PRKG1: variants seen among roughly 807,000 people sequenced by gnomAD.
PRKG1 encodes protein kinase cGMP-dependent 1.
A neutral mutation model predicts 88.1 loss-of-function variants in PRKG1; 35 were observed. The ratio of observed to expected loss-of-function variants is 0.40; its 90% CI spans 0.30 to 0.53. The LOEUF is 0.53. PRKG1 is among the 20% of genes least tolerant of loss of function. The probability of loss-of-function intolerance (pLI) is 0.59; values close to 1 mark genes in which losing one functional copy is unlikely to be tolerated. For synonymous variants in PRKG1, 303 were observed against 292.5 expected (o/e 1.04, Z -0.37); for missense variants, 540 against 839.8 (o/e 0.64, Z 4.41).
rs1438477554 is a variant in PRKG1, at chr10:51,278,332, G to C, written c.478+125002G>C. Among the ~76,000 whole-genome samples the C allele has an allele frequency of 2.0e-5, 3 of 152,248 alleles. No individual in the cohort carries two copies. In the South Asian group the frequency reaches 6.2e-4, roughly 32 times the overall value. On this transcript the variant is annotated intron_variant, in intron 2 of 17. Transcript: ENST00000373980. ...CTTGATCATGTTGGATAAGCTTTTT[G>C]ATGTGTTGCTGGATTCAGTTTGCCC...
At chr10:51,919,940 T>A (rs1051608371) in intron 5 of PRKG1, among the ~76,000 whole-genome samples, 1 of 152,162 alleles carries the variant, frequency 6.6e-6, no homozygotes, top group African/African-American at 2.4e-5. Flanking sequence ...GAATCAGAAG[T>A]CTGAGTAGGC....
chr10:51,807,490 C>T (rs1222802482), intron 4 of PRKG1, among the ~76,000 whole-genome samples: 8 of 152,146 alleles, frequency 5.3e-5, no homozygotes. Context: ...TAAGATGACA[C>T]AGGAGCCTTT....
chr10:51,691,268 C>T (rs1043435635), intron 3 of PRKG1, among the ~76,000 whole-genome samples: 2 of 148,534 alleles, frequency 1.3e-5, no homozygotes, highest in African/African-American at 2.5e-5. Flanking sequence ...TGCAGAAATA[C>T]ATGTGCCGAA....
At chr10:51,783,650 G>A (rs1937661) in intron 3 of PRKG1, among the ~76,000 whole-genome samples, 83,448 of 151,890 alleles carry the variant, frequency 0.55, 23,767 homozygotes, top group African/African-American at 0.65. Flanking sequence ...GAATTTAAGT[G>A]TGTACGTGTT....
chr10:51,536,005 GAGCCATT>G lies in PRKG1; in HGVS notation c.592+68170_592+68176del, dbSNP rs1389225836. 6.6e-5 allele frequency among the ~76,000 whole-genome samples: 10 copies of G among 152,288 alleles called. No individual in the cohort carries two copies. In the East Asian group the frequency reaches 1.4e-3, roughly 21 times the overall value. ...CCCAAAGCCCTGTGATTACAGGCAT[GAGCCATT>G]GCATCCGGCCTAAAATCAATGCTTT... is the stretch of plus-strand genomic sequence containing the variant. On this transcript the variant is annotated intron_variant, in intron 3 of 17. Coordinates refer to ENST00000373980, the MANE Select transcript of PRKG1 (RefSeq NM_006258.4).
chr10:51,795,460 A>T (rs1399526297), intron 3 of PRKG1, among the ~76,000 whole-genome samples: 1 of 152,128 alleles, frequency 6.6e-6, no homozygotes, highest in Non-Finnish European at 1.5e-5. Flanking sequence ...TGCAGTGGAG[A>T]CATTGGCATG....
intron 9 of PRKG1, among the ~76,000 whole-genome samples, chr10:52,235,461 A>G (rs1372609773): frequency 6.9e-6 from 1 of 144,828 alleles, no homozygotes; most frequent in African/African-American, 2.5e-5. Flanking sequence ...AAATAAAAGG[A>G]TGGAGGAAGA....
At chr10:51,016,482 C>CT (rs1843061858) in intron 1 of PRKG1, among the ~76,000 whole-genome samples, 1 of 151,916 alleles carries the variant, frequency 6.6e-6, no homozygotes, top group African/African-American at 2.4e-5. Flanking sequence ...ATGGAAAATG[C>CT]TATTTTCCTT....
intron 1 of PRKG1, among the ~76,000 whole-genome samples, chr10:51,039,656 C>G (rs140227430): frequency 2.2e-4 from 34 of 152,132 alleles, no homozygotes; most frequent in Non-Finnish European, 3.8e-4. Context: ...GGGTACTACT[C>G]AAGAAATCTT....
chr10:51,071,558 A>G (rs1843826561), upstream of PRKG1, among the ~76,000 whole-genome samples: 1 of 152,196 alleles, frequency 6.6e-6, no homozygotes, highest in African/African-American at 2.4e-5. Context: ...TTCATCCTGG[A>G]ACAGATTTTA....
chr10:52,007,898 T>G (rs1844779993), intron 5 of PRKG1, among the ~76,000 whole-genome samples: 1 of 151,916 alleles, frequency 6.6e-6, no homozygotes, highest in South Asian at 2.1e-4. Flanking sequence ...ACTCAGCAAA[T>G]GTGGAAAAAC....
chr10:51,177,537 G>A (rs1213656525), intron 2 of PRKG1, among the ~76,000 whole-genome samples: 2 of 152,026 alleles, frequency 1.3e-5, no homozygotes, highest in East Asian at 3.9e-4. Flanking sequence ...TCTGTTTCCT[G>A]AAACTAGCAG....
chr10:51,408,112 C>T (rs377753599), intron 2 of PRKG1, among the ~76,000 whole-genome samples: 42 of 152,278 alleles, frequency 2.8e-4, no homozygotes, highest in African/African-American at 9.6e-4. Context: ...TCCACTTCCA[C>T]CCCTTGATTC....
intron 3 of PRKG1, among the ~76,000 whole-genome samples, chr10:51,610,342 G>C (rs1487284551): frequency 1.3e-5 from 2 of 151,984 alleles, no homozygotes; most frequent in Non-Finnish European, 2.9e-5. Context: ...CTACCTCCAT[G>C]TGAGCAATGT....
At chr10:51,127,526 C>T (rs1589174718) in intron 1 of PRKG1, among the ~76,000 whole-genome samples, 1 of 152,276 alleles carries the variant, frequency 6.6e-6, no homozygotes, top group African/African-American at 2.4e-5. Context: ...TAAATTGGTT[C>T]AACCATTGTG....
At chr10:51,714,307 G>T (rs1021576968) in intron 3 of PRKG1, among the ~76,000 whole-genome samples, 1 of 152,038 alleles carries the variant, frequency 6.6e-6, no homozygotes, top group Non-Finnish European at 1.5e-5. Flanking sequence ...ACTTATATAG[G>T]GCTTACCATA....
intron 2 of PRKG1, among the ~76,000 whole-genome samples, chr10:51,276,535 A>G (rs535399714): frequency 8.9e-4 from 135 of 152,240 alleles, no homozygotes; most frequent in African/African-American, 3.3e-3. Flanking sequence ...TTGAGGAATC[A>G]CCACACTGTC....
chr10:51,250,776 CACAT>C (rs1404525897), intron 2 of PRKG1, among the ~76,000 whole-genome samples: 2 of 151,710 alleles, frequency 1.3e-5, no homozygotes, highest in Non-Finnish European at 3.0e-5. Context: ...CCCCTTTACT[CACAT>C]TATTACAGTG....
intron 6 of PRKG1, among the ~76,000 whole-genome samples, chr10:52,061,786 G>A (rs1321827782): frequency 1.3e-5 from 2 of 152,016 alleles, no homozygotes; most frequent in East Asian, 3.8e-4. Context: ...CCTACCAAAT[G>A]AAGCATGTGG....
Sources: allele counts gnomAD v4.1 joint callset (sites outside exome capture counted in the v4.1 genomes callset), GRCh38; gene constraint gnomAD v4.1.1; transcripts MANE v1.5; gene names NCBI Gene and HGNC (gene_info 2026-07-23, HGNC 2026-07-21).